GLT1D1: variants seen among roughly 807,000 people sequenced by gnomAD.
GLT1D1 encodes the protein glycosyltransferase 1 domain-containing protein 1.
GLT1D1 carries 21 observed loss-of-function variants against 28.7 expected under a neutral mutation model. The ratio of observed to expected loss-of-function variants is 0.73; its 90% CI spans 0.52 to 1.05. The LOEUF (loss-of-function observed/expected upper bound fraction) is 1.05. GLT1D1 is among the 50% of genes least tolerant of loss of function. GLT1D1 has a pLI of 0.00. For synonymous variants in GLT1D1, 147 were observed against 124.8 expected (o/e 1.18, Z -1.19); for missense variants, 343 against 330.6 (o/e 1.04, Z -0.29).
rs566539497 is a variant in GLT1D1 at position 128,892,461 on chromosome 12, C to T, written c.323+3717C>T. Among the ~76,000 whole-genome samples, 6 of 152,232 alleles carry T rather than the reference C, an allele frequency of 3.9e-5. No individual in the cohort carries two copies. The East Asian group carries it at 7.7e-4, about 20-fold the overall frequency. On this transcript the variant is annotated intron_variant, in intron 3 of 7. Coordinates refer to ENST00000281703, the MANE Select transcript of GLT1D1 (RefSeq NM_144669.3). ...CTGTAGTTGGTAATGCACTGCCTTA[C>T]GGAAGAAAAACAATTCTGTTTACTA...
intron 6 of GLT1D1, among the ~76,000 whole-genome samples, chr12:128,949,310 TCTGA>T (rs1027613036): frequency 6.6e-6 from 1 of 152,222 alleles, no homozygotes; most frequent in African/African-American, 2.4e-5. Context: ...TGTTAGCAAC[TCTGA>T]CTGCCTTAAA....
intron 1 of GLT1D1, 86 bp downstream of exon 1, chr12:128,853,735 C>A: frequency 1.1e-6 from 1 of 872,840 alleles, no homozygotes; most frequent in Non-Finnish European, 1.4e-6. Flanking sequence ...GGGCGCTCAG[C>A]CAGGCCCCCT....
chr12:128,912,782 C>T (rs1871676890), intron 4 of GLT1D1, among the ~76,000 whole-genome samples: 1 of 151,860 alleles, frequency 6.6e-6, no homozygotes, highest in South Asian at 2.1e-4. Context: ...CTAGCCTCAG[C>T]CCCCCCAGTA....
intron 4 of GLT1D1, among the ~76,000 whole-genome samples, chr12:128,923,891 G>A (rs1055148555): frequency 2.2e-4 from 33 of 151,768 alleles, no homozygotes; most frequent in African/African-American, 4.6e-4. Flanking sequence ...CTAAATTTAC[G>A]CCTCTTTTTC....
rs142216926 is a variant in GLT1D1, at chr12:128,897,567, T to C, written c.324-1669T>C. On this transcript the variant is annotated intron_variant, in intron 3 of 7. Transcript: ENST00000281703. ...CTTCTCTTGTAGTCTTACCTTTTTT[T>C]ACTTAGCTCCTGAACCATCTTTTGA... Among the ~76,000 whole-genome samples the C allele has an allele frequency of 9.9e-3, 1,508 of 152,370 alleles. 12 individuals carry two copies. Among genetic ancestry groups the C allele is most frequent in the Non-Finnish European group, 0.015 (1,052 of 68,040 alleles).
intron 4 of GLT1D1, among the ~76,000 whole-genome samples, chr12:128,938,018 A>T (rs188628525): frequency 1.3e-5 from 2 of 152,354 alleles, no homozygotes; most frequent in African/African-American, 4.8e-5. Flanking sequence ...GAATCGACGT[A>T]AGCTTATGAA....
intron 1 of GLT1D1, among the ~76,000 whole-genome samples, chr12:128,862,691 T>C (rs1037502312): frequency 6.6e-6 from 1 of 152,162 alleles, no homozygotes; most frequent in South Asian, 2.1e-4. Flanking sequence ...CAGATATTTT[T>C]TGAGCGTCTC....
At chr12:128,935,697 C>T (rs560805080) in intron 4 of GLT1D1, among the ~76,000 whole-genome samples, 1 of 152,262 alleles carries the variant, frequency 6.6e-6, no homozygotes, top group South Asian at 2.1e-4. Flanking sequence ...AAGTCCCGGC[C>T]TCAAACAATC....
intron 7 of GLT1D1, among the ~76,000 whole-genome samples, chr12:128,970,031 C>T (rs766139725): frequency 4.6e-5 from 7 of 152,178 alleles, no homozygotes; most frequent in Non-Finnish European, 1.0e-4. Flanking sequence ...CAAATGCAGT[C>T]CCCAGTCAGC....
intron 4 of GLT1D1, among the ~76,000 whole-genome samples, chr12:128,913,281 G>T (rs971375852): frequency 6.6e-6 from 1 of 152,090 alleles, no homozygotes; most frequent in Admixed American, 6.5e-5. Context: ...GTGCAGTGGC[G>T]CAATCTTGGT....
chr12:128,951,867 A>T (rs1876723143), intron 6 of GLT1D1, among the ~76,000 whole-genome samples: 1 of 152,242 alleles, frequency 6.6e-6, no homozygotes, highest in Non-Finnish European at 1.5e-5. Context: ...ATTACACTGA[A>T]GTCTCTTCGC....
rs1031153795 is a variant in GLT1D1, at chr12:128,904,700, C to A, written c.375+5413C>A. ...CCATGCTGGAGTGCAGTAGTGCGAT[C>A]TCGGCTCACCGCAACCTGCGGCTCC... On this transcript the variant is annotated intron_variant, in intron 4 of 7. Coordinates refer to ENST00000281703, the MANE Select transcript of GLT1D1 (RefSeq NM_144669.3). 8.2e-5 allele frequency among the ~76,000 whole-genome samples: 12 copies of A among 146,478 alleles called. 1 individual carries two copies. The highest frequency in any genetic ancestry group is 8.1e-4 in the Admixed American group (12 of 14,756).
At chr12:128,888,784 A>T (rs1868694286) in intron 3 of GLT1D1, 40 bp downstream of exon 3, 1 of 1,296,268 alleles carries the variant, frequency 7.7e-7, no homozygotes, top group South Asian at 1.2e-5. Flanking sequence ...AAACATTTAA[A>T]CTGTGTGAAT....
At chr12:128,858,533 G>A (rs529341310) in intron 1 of GLT1D1, among the ~76,000 whole-genome samples, 8 of 152,060 alleles carry the variant, frequency 5.3e-5, no homozygotes, top group South Asian at 2.1e-4. Context: ...TTAGCTGGGC[G>A]TGGTGGCACA....
intron 1 of GLT1D1, among the ~76,000 whole-genome samples, chr12:128,863,695 G>A (rs1956437239): frequency 6.6e-6 from 1 of 152,030 alleles, no homozygotes; most frequent in Admixed American, 6.6e-5. Context: ...ATTTCTTTAT[G>A]GTCAGGTTTT....
chr12:128,869,635 C>T (rs1477347058), intron 1 of GLT1D1, among the ~76,000 whole-genome samples: 1 of 152,064 alleles, frequency 6.6e-6, no homozygotes, highest in Non-Finnish European at 1.5e-5. Context: ...AACCGAGCTG[C>T]GTGTGTCTTT....
chr12:128,890,954 G>A (rs573338215), intron 3 of GLT1D1, among the ~76,000 whole-genome samples: 2 of 152,064 alleles, frequency 1.3e-5, no homozygotes, highest in East Asian at 1.9e-4. Flanking sequence ...AGCTGAGATC[G>A]TGCCATTGCA....
At chr12:128,954,269 C>A (rs893603028) in intron 6 of GLT1D1, among the ~76,000 whole-genome samples, 16 of 150,018 alleles carry the variant, frequency 1.1e-4, no homozygotes, top group African/African-American at 3.9e-4. Context: ...CTACAGGCAC[C>A]CACCACCACA....
Position 128,907,525 on chromosome 12 carries a change from T to G in GLT1D1, c.375+8238T>G, listed in dbSNP as rs892842916. On this transcript the variant is annotated intron_variant, in intron 4 of 7. Coordinates refer to ENST00000281703, the MANE Select transcript of GLT1D1 (RefSeq NM_144669.3). ...TTTCACCGTGTTAGCCAGGCTGGTC[T>G]TGATCTCCTGATCTTGTGATCCACC... Among the ~76,000 whole-genome samples the G allele has an allele frequency of 2.2e-4, 34 of 152,312 alleles. 1 individual carries two copies. The highest frequency in any genetic ancestry group is 6.8e-3 in the Middle Eastern group (2 of 294).
Sources: allele counts gnomAD v4.1 joint callset (sites outside exome capture counted in the v4.1 genomes callset), GRCh38; gene constraint gnomAD v4.1.1; transcripts MANE v1.5; gene names NCBI Gene and HGNC (gene_info 2026-07-23, HGNC 2026-07-21).